SCYL2: variants seen among roughly 807,000 people sequenced by gnomAD.
SCYL2 encodes the protein SCY1-like protein 2.
Under a neutral mutation model 100.4 loss-of-function variants are expected in SCYL2, and 36 were observed. The observed-to-expected ratio is 0.36, with a 90% CI of 0.27 to 0.47. The LOEUF (loss-of-function observed/expected upper bound fraction) is 0.47, where lower values mean the gene tolerates loss of function less well. Ranked by LOEUF, SCYL2 falls within the 20% of genes least tolerant of loss-of-function variation. SCYL2 has a pLI of 1.00. For synonymous variants in SCYL2, 330 were observed against 359.2 expected (o/e 0.92, Z 0.92); for missense variants, 902 against 1,083.9 (o/e 0.83, Z 2.36).
intron 12 of SCYL2, among the ~76,000 whole-genome samples, chr12:100,328,511 T>C (rs1411797145): frequency 6.6e-6 from 1 of 152,186 alleles, no homozygotes; most frequent in Non-Finnish European, 1.5e-5. Flanking sequence ...ACTCTTTGGG[T>C]ATATAAGTCA....
At chr12:100,309,803 A>G (rs1566360029) in intron 4 of SCYL2, among the ~76,000 whole-genome samples, 1 of 152,166 alleles carries the variant, frequency 6.6e-6, no homozygotes, top group Non-Finnish European at 1.5e-5. Context: ...CAGAAATAGA[A>G]TTGCTGGATC....
At chr12:100,281,148 C>A (rs2096297972) in intron 1 of SCYL2, among the ~76,000 whole-genome samples, 1 of 150,906 alleles carries the variant, frequency 6.6e-6, no homozygotes, top group Non-Finnish European at 1.5e-5. Context: ...TCCACCTCAG[C>A]CTCCCAAGTA....
intron 4 of SCYL2, among the ~76,000 whole-genome samples, chr12:100,303,265 T>TTC (rs1322322410): frequency 5.3e-5 from 8 of 152,142 alleles, no homozygotes; most frequent in Non-Finnish European, 1.5e-5. Flanking sequence ...GTCAAACTTA[T>TTC]TCTCTGTCCA....
chr12:100,283,260 A>G, intron 2 of SCYL2, 113 bp downstream of exon 2: 1 of 843,284 alleles, frequency 1.2e-6, no homozygotes, highest in Non-Finnish European at 1.8e-6. Context: ...AGGTTCTTAA[A>G]TGGGTTCTTT....
chr12:100,282,556 C>T (rs2096300020), intron 1 of SCYL2, among the ~76,000 whole-genome samples: 2 of 152,014 alleles, frequency 1.3e-5, no homozygotes, highest in Non-Finnish European at 1.5e-5. Context: ...AACTTCTGAC[C>T]TCAGGTGATC....
intron 5 of SCYL2, among the ~76,000 whole-genome samples, chr12:100,312,179 A>C (rs1233917394): frequency 1.3e-5 from 2 of 152,206 alleles, no homozygotes; most frequent in Non-Finnish European, 2.9e-5. Flanking sequence ...AGACCTTCAC[A>C]TGTTCATATT....
chr12:100,298,308 C>G, intron 4 of SCYL2, 133 bp downstream of exon 4: 2 of 615,696 alleles, frequency 3.2e-6, no homozygotes, highest in Non-Finnish European at 5.2e-6. Flanking sequence ...GTCATTATTC[C>G]TATGTTCTGG....
intron 12 of SCYL2, chr12:100,327,254 T>A: frequency 3.1e-6 from 1 of 322,556 alleles, no homozygotes; most frequent in Non-Finnish European, 6.3e-6. Flanking sequence ...AGGAGCTGGT[T>A]TTCTAATATG....
chr12:100,270,750 C>T (rs922502612), intron 1 of SCYL2, among the ~76,000 whole-genome samples: 2 of 151,744 alleles, frequency 1.3e-5, no homozygotes, highest in Non-Finnish European at 2.9e-5. Flanking sequence ...GCTAGGATTA[C>T]AGGCATGAGC....
chr12:100,276,249 A>G (rs1007177292), intron 1 of SCYL2, among the ~76,000 whole-genome samples: 2 of 152,124 alleles, frequency 1.3e-5, no homozygotes, highest in African/African-American at 4.8e-5. Context: ...GATATACCCT[A>G]TTCATTTAGA....
Position 100,335,673 on chromosome 12 carries a change from T to C in SCYL2, c.1911T>C (p.Val637=). The change falls in exon 15 of 18, where the codon GTT becomes GTC. Residue 637 remains valine, a synonymous_variant. Coordinates refer to ENST00000360820, the MANE Select transcript of SCYL2 (RefSeq NM_017988.6). ...NQMNVSEEMK[V]TNIGNQQIDK... is the part of the protein sequence containing the mutation. ...TGAATGTTTCTGAGGAGATGAAAGTTACAAATATTGGGAATCAGGTAAGAA... is the reference window on the plus strand; with the variant it reads ...TGAATGTTTCTGAGGAGATGAAAGTCACAAATATTGGGAATCAGGTAAGAA... 1 of 1,611,370 alleles carries C rather than the reference T, an allele frequency of 6.2e-7. No individual in the cohort carries two copies. The highest frequency in any genetic ancestry group is 1.7e-5 in the Admixed American group (1 of 59,884).
chr12:100,295,770 CGGGAGAGGGAGAGGGAGA>C (rs371313111), intron 3 of SCYL2, among the ~76,000 whole-genome samples: 1 of 147,826 alleles, frequency 6.8e-6, no homozygotes, highest in Admixed American at 6.7e-5. Context: ...CGTGGGGAGA[CGGGAGAGGGAGAGGGAGA>C]GGGAGAGGGA....
At chr12:100,334,112 A>G in intron 13 of SCYL2, 54 bp from the exon 14 acceptor site, 3 of 1,003,754 alleles carry the variant, frequency 3.0e-6, no homozygotes, top group South Asian at 1.3e-5. Flanking sequence ...TTAATTGATT[A>G]CATTTGCTGC....
intron 3 of SCYL2, 103 bp from the exon 4 acceptor site, chr12:100,297,928 C>A: frequency 1.1e-6 from 1 of 919,902 alleles, no homozygotes; most frequent in Non-Finnish European, 1.6e-6. Context: ...AAATAGTTAC[C>A]TTCTTATTGA....
intron 3 of SCYL2, among the ~76,000 whole-genome samples, chr12:100,294,615 G>A (rs1157179525): frequency 7.1e-6 from 1 of 141,434 alleles, no homozygotes; most frequent in African/African-American, 2.7e-5. Flanking sequence ...TGGCCGGGCA[G>A]AGGGGCTCCT....
At chr12:100,334,929 A>G (rs951597021) in intron 14 of SCYL2, among the ~76,000 whole-genome samples, 1 of 152,080 alleles carries the variant, frequency 6.6e-6, no homozygotes, top group African/African-American at 2.4e-5. Context: ...TAAAATTGAT[A>G]TAAATCATGA....
intron 10 of SCYL2, among the ~76,000 whole-genome samples, chr12:100,319,833 T>C (rs2135914692): frequency 6.6e-6 from 1 of 152,332 alleles, no homozygotes; most frequent in East Asian, 1.9e-4. Context: ...ATTAGGAGAA[T>C]CCTAGAGAAA....
chr12:100,269,293 T>C (rs1402071427), intron 1 of SCYL2, among the ~76,000 whole-genome samples: 1 of 151,998 alleles, frequency 6.6e-6, no homozygotes, highest in Non-Finnish European at 1.5e-5. Context: ...GCTTTGGTTA[T>C]GCTACTTCCT....
intron 10 of SCYL2, among the ~76,000 whole-genome samples, chr12:100,319,956 T>C (rs2096353743): frequency 6.6e-6 from 1 of 152,236 alleles, no homozygotes; most frequent in African/African-American, 2.4e-5. Flanking sequence ...ATTAGAAATA[T>C]TTAAGAGGCT....
Sources: gnomAD v4.1 joint callset for allele counts (sites outside exome capture counted in the v4.1 genomes callset) on GRCh38, gnomAD v4.1.1 for gene constraint, MANE v1.5 for transcripts, NCBI Gene and HGNC (gene_info 2026-07-23, HGNC 2026-07-21) for gene names.